The following C4orf50 variants were observed in gnomAD, a reference collection of about 807,000 sequenced individuals.
The protein encoded by C4orf50 is uncharacterized protein C4orf50.
Under a neutral mutation model 77.2 loss-of-function variants are expected in C4orf50, and 80 were observed. The observed-to-expected ratio is 1.04, with a 90% CI of 0.87 to 1.25. The LOEUF is 1.25. Among genes scored for constraint, C4orf50 ranks in the 50% most tolerant of loss-of-function variants. C4orf50 has a pLI of 0.00. For synonymous variants in C4orf50, 532 were observed against 465.3 expected, an observed-to-expected ratio of 1.14 and a Z score of -1.84; for missense variants, 1,257 against 1,152.9, an observed-to-expected ratio of 1.09 and a Z score of -1.31.
intron 30 of C4orf50, among the ~76,000 whole-genome samples, 162 bp from the exon 9 acceptor site, chr4:5,974,003 A>G (rs1720105958): frequency 6.6e-6 from 1 of 152,170 alleles, no homozygotes; most frequent in South Asian, 2.1e-4. Flanking sequence ...CCCTGCCCCC[A>G]GAAGCCAGGC....
intron 25 of C4orf50, among the ~76,000 whole-genome samples, chr4:6,003,860 G>GTGATGTTGATGATGGTGA (rs1349200873): frequency 0.012 from 668 of 57,548 alleles, 58 homozygotes; most frequent in Non-Finnish European, 0.018. Flanking sequence ...GGTGATGATG[G>GTGATGTTGATGATGGTGA]TGATGGTGAT....
At chr4:5,976,963 A>T (rs1720322753) in intron 29 of C4orf50, among the ~76,000 whole-genome samples, 1 of 152,214 alleles carries the variant, frequency 6.6e-6, no homozygotes, top group African/African-American at 2.4e-5. Flanking sequence ...CCTGGCACTG[A>T]ATAGGACTGG....
At chr4:5,976,721 C>T (rs1720308604) in intron 29 of C4orf50, among the ~76,000 whole-genome samples, 1 of 152,224 alleles carries the variant, frequency 6.6e-6, no homozygotes, top group African/African-American at 2.4e-5. Flanking sequence ...CTGGTGAGAA[C>T]TGTAGTGAGG....
At chr4:6,004,079 T>TA (rs1722038928) in intron 25 of C4orf50, among the ~76,000 whole-genome samples, 1 of 26,084 alleles carries the variant, frequency 3.8e-5, no homozygotes, top group African/African-American at 1.6e-4. Context: ...ATGGTGATGA[T>TA]GTGATAGTGA....
At chr4:5,934,888 G>A (rs1006905054) in intron 7 of C4orf50, among the ~76,000 whole-genome samples, 14 of 152,112 alleles carry the variant, frequency 9.2e-5, no homozygotes, top group African/African-American at 1.2e-4. Flanking sequence ...GTGCATACAC[G>A]TGACCCTAAA....
intron 33 of C4orf50, 51 bp from the exon 12 acceptor site, chr4:5,959,677 A>G: frequency 6.4e-7 from 1 of 1,562,956 alleles, no homozygotes; most frequent in Non-Finnish European, 8.7e-7. Context: ...TGTTTGTAAA[A>G]GCCCCTCCAT....
At chr4:5,985,725 T>C (rs989539979) in intron 28 of C4orf50, among the ~76,000 whole-genome samples, 4 of 152,158 alleles carry the variant, frequency 2.6e-5, no homozygotes, top group African/African-American at 9.7e-5. Flanking sequence ...CCCAGCACTT[T>C]GGGAGGCTGA....
At chr4:6,010,422 CT>C (rs1722446324) in intron 24 of C4orf50, among the ~76,000 whole-genome samples, 2 of 152,316 alleles carry the variant, frequency 1.3e-5, no homozygotes, top group South Asian at 4.1e-4. Context: ...CAGCTAATAG[CT>C]ATGTCAAGTG....
downstream of C4orf50, among the ~76,000 whole-genome samples, chr4:5,955,684 G>A (rs925476026): frequency 1.7e-4 from 26 of 152,070 alleles, no homozygotes; most frequent in Admixed American, 7.2e-4. This position sits in a 1 kb window ranked among gnomAD's most constrained non-coding sequence, Gnocchi z 5.1. Context: ...AGTCATCCCC[G>A]GCAGCCAGAT....
intron 7 of C4orf50, among the ~76,000 whole-genome samples, chr4:5,925,501 C>A (rs1717476741): frequency 6.6e-6 from 1 of 152,236 alleles, no homozygotes; most frequent in African/African-American, 2.4e-5. Context: ...AGGACGGTAC[C>A]AGTGGACAAG....
Position 5,916,248 on chromosome 4 carries a change from G to T in C4orf50, c.*2475-18060C>A, listed in dbSNP as rs1436706742. Reference sequence around the variant, plus strand: ...ACCAACAGCTCCTGGTTACTCTGGGGGGCCCATGCACAGAGAATCATAGTT... The same window carrying T: ...ACCAACAGCTCCTGGTTACTCTGGGTGGCCCATGCACAGAGAATCATAGTT... On this transcript the variant is annotated intron_variant, in intron 7 of 7. Coordinates refer to the C4orf50 transcript ENST00000324058. This position sits in a 1 kb window ranked among gnomAD's most constrained non-coding sequence, Gnocchi z 4.4. Among the ~76,000 whole-genome samples the T allele has an allele frequency of 6.6e-6, 1 of 152,208 alleles. No individual in the cohort carries two copies.
Position 5,974,780 on chromosome 4 carries a change from T to C in C4orf50, c.3922-939A>G, listed in dbSNP as rs367549622. ...TATATTAAACCCCATGGGTGAGTAA[T>C]GACATTTCTGGGAATTGATCTTAAA... On this transcript the variant is annotated intron_variant, in intron 30 of 33. Coordinates refer to ENST00000531445, the Ensembl canonical transcript of C4orf50. Among the ~76,000 whole-genome samples the C allele has an allele frequency of 3.3e-4, 50 of 152,316 alleles. No homozygotes were observed. The South Asian group carries it at 9.5e-3, about 29-fold the overall frequency.
intron 32 of C4orf50, 66 bp downstream of exon 10, chr4:5,967,348 C>A: frequency 7.5e-7 from 1 of 1,331,004 alleles, no homozygotes; most frequent in Non-Finnish European, 1.1e-6. Context: ...CCACCTCTCA[C>A]AGCGTCCTGC....
At chr4:5,928,085 T>C (rs772060991) in intron 7 of C4orf50, among the ~76,000 whole-genome samples, 1 of 152,206 alleles carries the variant, frequency 6.6e-6, no homozygotes, top group Non-Finnish European at 1.5e-5. Context: ...ACTTGCAATA[T>C]ATTAAGGAAC....
chr4:5,936,529 T>G (rs1718021902), intron 7 of C4orf50, among the ~76,000 whole-genome samples: 1 of 120,816 alleles, frequency 8.3e-6, no homozygotes, highest in South Asian at 2.6e-4. Context: ...ACCACTGCAC[T>G]CCAGCCTGGG....
chr4:5,938,334 G>T (rs2108749397), intron 7 of C4orf50, among the ~76,000 whole-genome samples: 1 of 152,238 alleles, frequency 6.6e-6, no homozygotes, highest in South Asian at 2.1e-4. Context: ...GGATCAAAGG[G>T]ACCATAACAG....
chr4:5,908,504 T>C lies in C4orf50; in HGVS notation c.*2475-10316A>G, dbSNP rs1716652616. The stretch of plus-strand genomic sequence containing the variant: ...GCTACAGCCTCCCTTCAGAGTCCAG[T>C]GGAGGAAGCAAATGTGTGAAGCAGA... On this transcript the variant is annotated intron_variant, in intron 7 of 7. Coordinates refer to the C4orf50 transcript ENST00000324058. The surrounding 1 kb of genome is among the most constrained non-coding windows in gnomAD (Gnocchi z 5.6). Among the ~76,000 whole-genome samples the C allele has an allele frequency of 6.6e-6, 1 of 151,648 alleles. No individual in the cohort carries two copies.
intron 7 of C4orf50, among the ~76,000 whole-genome samples, chr4:5,907,663 G>C (rs1348759822): frequency 6.6e-6 from 1 of 152,198 alleles, no homozygotes; most frequent in Admixed American, 6.5e-5. Flanking sequence ...GAGGCATATG[G>C]GGGCTGGGGG....
rs73212655 is a variant in C4orf50 at position 5,992,297 on chromosome 4, C to T, written c.1221+506G>A. 0.17 allele frequency among the ~76,000 whole-genome samples: 26,318 copies of T among 152,172 alleles called. 2,454 individuals carry two copies. Among genetic ancestry groups the T allele is most frequent in the Non-Finnish European group, 0.2 (13,350 of 68,002 alleles). Reference sequence around the variant, plus strand: ...CGCGGGTCCCAGCACAGCTCTGTTCCTCAGGGATGAGAAAATGGAAGTGGA... The same window carrying T: ...CGCGGGTCCCAGCACAGCTCTGTTCTTCAGGGATGAGAAAATGGAAGTGGA... On this transcript the variant is annotated intron_variant, in intron 27 of 33. Transcript: ENST00000531445. This position sits in a 1 kb window ranked among gnomAD's most constrained non-coding sequence, Gnocchi z 5.0.
Sources: gnomAD v4.1 joint callset for allele counts (sites outside exome capture counted in the v4.1 genomes callset) on GRCh38, gnomAD v4.1.1 for gene constraint, Gnocchi (gnomAD v3.1) non-coding constraint, MANE v1.5 for transcripts, NCBI Gene and HGNC (gene_info 2026-07-23, HGNC 2026-07-21) for gene names.